The following EIF4A1 variants were observed in gnomAD, a reference collection of about 807,000 sequenced individuals.
The protein encoded by EIF4A1 is eukaryotic initiation factor 4A-I.
Under a neutral mutation model 53.5 loss-of-function variants are expected in EIF4A1, and 11 were observed. The ratio of observed to expected loss-of-function variants is 0.21; its 90% CI spans 0.13 to 0.34. The LOEUF (loss-of-function observed/expected upper bound fraction) is 0.34, where lower values mean the gene tolerates loss of function less well. Among genes scored for constraint, EIF4A1 ranks in the 10% least tolerant of loss-of-function variants. EIF4A1 has a pLI of 1.00. For synonymous variants in EIF4A1, 237 were observed against 186.7 expected (o/e 1.27, Z -2.20); for missense variants, 213 against 530.8 (o/e 0.40, Z 5.88).
intron 4 of EIF4A1, 184 bp downstream of exon 4, chr17:7,575,442 C>T (rs1247768202): frequency 1.1e-6 from 1 of 948,332 alleles, no homozygotes. Context: ...GCTTCCTCCA[C>T]CCATTTCCTG....
At position 7,576,959 on chromosome 17, in the gene EIF4A1, C is replaced by T. The variant is rs528399090; in HGVS notation, c.515-97C>T. The T allele has an allele frequency of 2.2e-5, 32 of 1,441,134 alleles. No individual in the cohort carries two copies. The South Asian group carries it at 3.2e-4, about 15-fold the overall frequency. 89.3% of individuals were successfully genotyped at this position (1,441,134 alleles called of 1,614,324 possible). A position where few individuals can be genotyped will look rare whatever the true frequency, so the allele number is the denominator to read the frequency against. ...GTCTTTGTACTCTGAGAGCAGACTA[C>T]TTGGCTCCTCTCTGTTTTTTATCAG... On this transcript the variant is annotated intron_variant, in intron 5 of 10. Coordinates refer to ENST00000293831, the MANE Select transcript of EIF4A1 (RefSeq NM_001416.4).
chr17:7,578,046 G>C (rs1463378463), intron 9 of EIF4A1, 119 bp from the exon 10 acceptor site: 5 of 1,567,790 alleles, frequency 3.2e-6, no homozygotes, highest in Non-Finnish European at 4.4e-6. Flanking sequence ...GGCCTTTGGG[G>C]AACTGGGATG....
In EIF4A1 at chr17:7,578,684, G is replaced by A; in HGVS notation, c.*198G>A. On this transcript the variant is annotated 3_prime_UTR_variant, in exon 11 of 11. Transcript: ENST00000293831. The stretch of plus-strand genomic sequence containing the variant: ...TCTTTGGGGTAGGCTCTTGCCCCAG[G>A]CGCCGGCTCTTCTCCCAAAAAAAAA... The A allele has an allele frequency of 2.1e-6, 1 of 487,262 alleles. No individual in the cohort carries two copies. Among genetic ancestry groups the A allele is most frequent in the Non-Finnish European group, 3.3e-6 (1 of 305,988 alleles). 30.2% of individuals were successfully genotyped at this position (487,262 alleles called of 1,614,324 possible). A position where few individuals can be genotyped will look rare whatever the true frequency, so the allele number is the denominator to read the frequency against.
At chr17:7,574,787 T>C in intron 3 of EIF4A1, 109 bp downstream of exon 3, 1 of 1,562,532 alleles carries the variant, frequency 6.4e-7, no homozygotes, top group Non-Finnish European at 8.7e-7. Flanking sequence ...AGCAACTCCT[T>C]GTTCATCCCA....
Position 7,577,585 on chromosome 17 carries a change from C to T in EIF4A1, c.785C>T (p.Thr262Ile). 1 of 1,613,714 alleles carries T rather than the reference C, an allele frequency of 6.2e-7. No individual in the cohort carries two copies. Among genetic ancestry groups the T allele is most frequent in the Non-Finnish European group, 8.5e-7 (1 of 1,179,788 alleles). The change falls in exon 8 of 11, where the codon ACA becomes ATA. Residue 262 changes from threonine to isoleucine, a missense_variant. Thr to Ile is a moderately conservative substitution (Grantham distance 89). Transcript: ENST00000293831. The surrounding 1 kb of genome is among the most constrained non-coding windows in gnomAD (Gnocchi z 4.7). ...NVEREEWKLDTLCDLYETLTI... is the reference protein window; with the variant it reads ...NVEREEWKLDILCDLYETLTI... ...AACCTCCAGGAGTGGAAGCTGGACA[C>T]ACTATGTGACTTGTATGAAACCCTG...
chr17:7,572,893 G>T, intron 1 of EIF4A1, 29 bp downstream of exon 1: 1 of 1,614,184 alleles, frequency 6.2e-7, no homozygotes, highest in Non-Finnish European at 8.5e-7. Context: ...AGAGATTGTG[G>T]CTGCTTATTT....
chr17:7,574,205 G>A, intron 1 of EIF4A1, 55 bp from the exon 2 acceptor site: 5 of 1,610,410 alleles, frequency 3.1e-6, no homozygotes, highest in Non-Finnish European at 4.2e-6. Context: ...CGGCTGTCAG[G>A]ATTTCTGAGT....
chr17:7,575,481 C>A, intron 4 of EIF4A1: 1 of 729,856 alleles, frequency 1.4e-6, no homozygotes, highest in Non-Finnish European at 2.3e-6. Context: ...TTGGGTGAAG[C>A]CTGGCTGGCT....
At position 7,576,518 on chromosome 17, in the gene EIF4A1, GC is replaced by G; in HGVS notation, c.346-5del. 2 of 1,570,320 alleles carry G rather than the reference GC, an allele frequency of 1.3e-6. No homozygotes were observed. The highest frequency in any genetic ancestry group is 8.6e-7 in the Non-Finnish European group (1 of 1,156,628). On this transcript the variant is annotated splice_polypyrimidine_tract_variant and splice_region_variant and intron_variant, in intron 4 of 10. Coordinates refer to ENST00000293831, the MANE Select transcript of EIF4A1 (RefSeq NM_001416.4). Reference sequence around the variant, plus strand: ...GACATATGAGCACCTGCCTCTCTCTGCTCAGATACAGAAGGTGGTCATGGCA... The same window carrying G: ...GACATATGAGCACCTGCCTCTCTCTGTCAGATACAGAAGGTGGTCATGGCA...
chr17:7,574,320 G>GA lies in EIF4A1; in HGVS notation c.72+15dup. On this transcript the variant is annotated intron_variant, in intron 2 of 10. Coordinates refer to ENST00000293831, the MANE Select transcript of EIF4A1 (RefSeq NM_001416.4). ...AAGGCGTCATCGAGGTGAGACTGGAGAAATGGAATTCTGTCCTCCCCCATT... is the reference window on the plus strand; with the variant it reads ...AAGGCGTCATCGAGGTGAGACTGGAGAAAATGGAATTCTGTCCTCCCCCATT... 1.2e-6 allele frequency: 2 copies of GA among 1,614,188 alleles called. No individual in the cohort carries two copies. Among genetic ancestry groups the GA allele is most frequent in the Non-Finnish European group, 1.7e-6 (2 of 1,180,032 alleles).
chr17:7,578,114 G>C (rs2071427630), intron 9 of EIF4A1, 51 bp from the exon 10 acceptor site: 1 of 1,612,740 alleles, frequency 6.2e-7, no homozygotes. Flanking sequence ...CTTCCCTCCG[G>C]GATAGAGTGT....
intron 1 of EIF4A1, chr17:7,574,035 C>G: frequency 1.7e-6 from 1 of 571,574 alleles, no homozygotes; most frequent in South Asian, 2.2e-5. Context: ...AAAGGGTCAC[C>G]CCCTTATGTC....
intron 4 of EIF4A1, 61 bp downstream of exon 4, chr17:7,575,319 G>A (rs1232775548): frequency 1.9e-6 from 3 of 1,607,704 alleles, no homozygotes; most frequent in South Asian, 2.2e-5. Flanking sequence ...TATAATCCAA[G>A]GACCAGAGAA....
At chr17:7,576,825 C>A in intron 5 of EIF4A1, 133 bp downstream of exon 5, 2 of 1,485,502 alleles carry the variant, frequency 1.3e-6, no homozygotes, top group Non-Finnish European at 1.9e-6. Flanking sequence ...TGTGATGGAG[C>A]CCATGCGTGT....
At position 7,574,334 on chromosome 17, in the gene EIF4A1, T is replaced by G. The variant is rs760407573; in HGVS notation, c.72+26T>G. 1.1e-5 allele frequency: 17 copies of G among 1,613,986 alleles called. 1 individual carries two copies. The highest frequency in any genetic ancestry group is 6.7e-5 in the East Asian group (3 of 44,886). ...GTGAGACTGGAGAAATGGAATTCTG[T>G]CCTCCCCCATTACAACTTTCAGCCG... is the stretch of plus-strand genomic sequence containing the variant. On this transcript the variant is annotated intron_variant, in intron 2 of 10. Coordinates refer to ENST00000293831, the MANE Select transcript of EIF4A1 (RefSeq NM_001416.4).
intron 3 of EIF4A1, 31 bp downstream of exon 3, chr17:7,574,709 G>A: frequency 6.2e-7 from 1 of 1,611,528 alleles, no homozygotes. Flanking sequence ...AAGACATTGT[G>A]GACTGTCCCT....
At chr17:7,578,028 A>G in intron 9 of EIF4A1, 112 bp downstream of exon 9, 1 of 1,569,320 alleles carries the variant, frequency 6.4e-7, no homozygotes, top group South Asian at 1.1e-5. Context: ...AGAATCTGGC[A>G]TGCCTAAGGC....
At chr17:7,575,786 G>C (rs955217263) in intron 4 of EIF4A1, 7 of 224,220 alleles carry the variant, frequency 3.1e-5, no homozygotes, top group Non-Finnish European at 5.5e-5. Flanking sequence ...TAAGGCACTT[G>C]GCTCTCAGTT....
At chr17:7,573,760 C>G (rs542760113) in intron 1 of EIF4A1, 1 of 156,038 alleles carries the variant, frequency 6.4e-6, no homozygotes, top group Non-Finnish European at 1.4e-5. Context: ...CCACCGCCCG[C>G]GGCCTCCCAC....
Sources: gnomAD v4.1 joint callset for allele counts on GRCh38, gnomAD v4.1.1 for gene constraint, Gnocchi (gnomAD v3.1) non-coding constraint, MANE v1.5 for transcripts, NCBI Gene and HGNC (gene_info 2026-07-23, HGNC 2026-07-21) for gene names.